Variants in PTPRN2 observed in about 807,000 individuals in gnomAD.
The protein encoded by PTPRN2 is receptor-type tyrosine-protein phosphatase N2.
PTPRN2 carries 74 observed loss-of-function variants against 118.8 expected under a neutral mutation model. The ratio of observed to expected loss-of-function variants is 0.62; its 90% CI spans 0.52 to 0.76. PTPRN2 has a LOEUF of 0.76. Ranked by LOEUF, PTPRN2 falls within the 30% of genes least tolerant of loss-of-function variation. The pLI is 0.00. For missense variants in PTPRN2, 1,481 were observed against 1,394.4 expected, an observed-to-expected ratio of 1.06 and a Z score of -0.99; for synonymous variants, 641 against 608.0, an observed-to-expected ratio of 1.05 and a Z score of -0.80.
At chr7:158,505,792 TA>T (rs1242751234) in intron 1 of PTPRN2, among the ~76,000 whole-genome samples, 1 of 152,172 alleles carries the variant, frequency 6.6e-6, no homozygotes, top group African/African-American at 2.4e-5. Context: ...CGTACACGTG[TA>T]TGCCATCACC....
intron 12 of PTPRN2, among the ~76,000 whole-genome samples, chr7:157,712,511 G>A (rs1316528941): frequency 6.6e-6 from 1 of 152,156 alleles, no homozygotes; most frequent in Non-Finnish European, 1.5e-5. Context: ...AGCACTTTGG[G>A]AGGCTGAGGC....
chr7:158,314,540 G>A (rs542446036), intron 3 of PTPRN2, among the ~76,000 whole-genome samples: 119 of 152,372 alleles, frequency 7.8e-4, no homozygotes, highest in African/African-American at 2.4e-3. Flanking sequence ...ATCGCCAAAC[G>A]ACAGTGGCAC....
At position 157,627,119 on chromosome 7, in the gene PTPRN2, G is replaced by T. The variant is rs1315691430; in HGVS notation, c.2197-5610C>A. ...CCACAGTCCAGGTCCCAGGTGGGGT[G>T]CTCCATCTCCCCTGGAGCCTTCTCA... is the stretch of plus-strand genomic sequence containing the variant. On this transcript the variant is annotated intron_variant, in intron 14 of 22. Transcript: ENST00000389418. This position sits in a 1 kb window ranked among gnomAD's most constrained non-coding sequence, Gnocchi z 4.2. Among the ~76,000 whole-genome samples, 1 of 152,224 alleles carries T rather than the reference G, an allele frequency of 6.6e-6. No homozygotes were observed. The highest frequency in any genetic ancestry group is 1.5e-5 in the Non-Finnish European group (1 of 68,034).
At chr7:158,232,181 A>C (rs990655960) in intron 3 of PTPRN2, among the ~76,000 whole-genome samples, 4 of 152,116 alleles carry the variant, frequency 2.6e-5, no homozygotes, top group Non-Finnish European at 1.5e-5. Context: ...AAGTTTTTTG[A>C]AAAGGTAAAC....
chr7:157,924,891 A>G (rs112385394), intron 11 of PTPRN2, among the ~76,000 whole-genome samples: 4 of 146,690 alleles, frequency 2.7e-5, no homozygotes, highest in Non-Finnish European at 4.5e-5. Flanking sequence ...AGTTATTGAA[A>G]TGTAGTCAGG....
At chr7:158,040,703 G>T (rs1345330941) in intron 11 of PTPRN2, among the ~76,000 whole-genome samples, 1 of 150,968 alleles carries the variant, frequency 6.6e-6, no homozygotes, top group Non-Finnish European at 1.5e-5. Context: ...AAAGGAATTT[G>T]TCAGCAGTTG....
chr7:157,783,427 C>T (rs545393197), intron 12 of PTPRN2, among the ~76,000 whole-genome samples: 81 of 151,166 alleles, frequency 5.4e-4, no homozygotes, highest in African/African-American at 1.8e-3. Flanking sequence ...GTTCATCGAA[C>T]GCATGTCTGA....
chr7:157,854,350 A>G (rs1047489618), intron 12 of PTPRN2, among the ~76,000 whole-genome samples: 20 of 152,288 alleles, frequency 1.3e-4, no homozygotes, highest in African/African-American at 4.8e-4. Context: ...CTGTCTGCCC[A>G]CGTCTCTCCA....
At chr7:157,613,610 G>GGCC (rs1316179653) in intron 15 of PTPRN2, among the ~76,000 whole-genome samples, 5 of 152,220 alleles carry the variant, frequency 3.3e-5, no homozygotes, top group African/African-American at 1.2e-4. Context: ...CGCGGGAGGA[G>GGCC]GCCGCCGCGT....
chr7:157,752,747 A>G (rs984263572), intron 12 of PTPRN2, among the ~76,000 whole-genome samples: 1 of 152,230 alleles, frequency 6.6e-6, no homozygotes, highest in Non-Finnish European at 1.5e-5. Flanking sequence ...ATCTTTTAGA[A>G]CAGAGGACAC....
intron 10 of PTPRN2, among the ~76,000 whole-genome samples, chr7:158,085,305 A>C (rs1813239015): frequency 7.8e-6 from 1 of 127,522 alleles, no homozygotes; most frequent in African/African-American, 3.3e-5. Flanking sequence ...ACGCCCATCC[A>C]CACCCACGAC....
At chr7:158,578,541 A>T (rs532542206) in intron 1 of PTPRN2, among the ~76,000 whole-genome samples, 1 of 151,612 alleles carries the variant, frequency 6.6e-6, no homozygotes, top group African/African-American at 2.4e-5. Context: ...TCTCTGTAAA[A>T]AAAAAAAAAA....
intron 11 of PTPRN2, among the ~76,000 whole-genome samples, chr7:158,038,490 G>C (rs1376155434): frequency 6.6e-6 from 1 of 151,894 alleles, no homozygotes; most frequent in Non-Finnish European, 1.5e-5. Context: ...GAAACCCAAA[G>C]ACTTCAAATG....
chr7:158,064,243 C>T (rs1408131708), intron 11 of PTPRN2, among the ~76,000 whole-genome samples: 1 of 152,226 alleles, frequency 6.6e-6, no homozygotes, highest in Non-Finnish European at 1.5e-5. Context: ...CGCATTGACT[C>T]TGGCAACCTG....
chr7:157,924,402 C>A (rs983971167), intron 11 of PTPRN2, among the ~76,000 whole-genome samples: 1 of 152,196 alleles, frequency 6.6e-6, no homozygotes, highest in Admixed American at 6.5e-5. Context: ...AGGCCACCAG[C>A]CCTGTTGCCA....
chr7:157,673,587 T>C (rs558138736), intron 13 of PTPRN2, among the ~76,000 whole-genome samples: 2 of 152,040 alleles, frequency 1.3e-5, no homozygotes, highest in South Asian at 4.2e-4. Flanking sequence ...CCCTTGTGCA[T>C]CCTGGCCCCT....
intron 12 of PTPRN2, among the ~76,000 whole-genome samples, chr7:157,743,930 C>G (rs1009949): frequency 0.58 from 87,646 of 152,040 alleles, 26,653 homozygotes; most frequent in Non-Finnish European, 0.69. Context: ...GTCGCAGCTC[C>G]CTGTGTCCTC....
chr7:157,613,970 C>T, intron 15 of PTPRN2: 1 of 468,958 alleles, frequency 2.1e-6, no homozygotes, highest in South Asian at 1.6e-5. Flanking sequence ...AACTGTGACT[C>T]TGTGAGCTCA....
intron 13 of PTPRN2, among the ~76,000 whole-genome samples, chr7:157,657,603 CCA>C (rs1376389106): frequency 1.0e-5 from 1 of 96,960 alleles, no homozygotes; most frequent in Admixed American, 1.1e-4. Context: ...CACACACACA[CCA>C]CACACATCAC....
Sources: gnomAD v4.1 joint callset for allele counts (sites outside exome capture counted in the v4.1 genomes callset) on GRCh38, gnomAD v4.1.1 for gene constraint, Gnocchi (gnomAD v3.1) non-coding constraint, MANE v1.5 for transcripts, NCBI Gene and HGNC (gene_info 2026-07-23, HGNC 2026-07-21) for gene names.